GRIA4: variants seen among roughly 807,000 people sequenced by gnomAD.
GRIA4 encodes glutamate ionotropic receptor AMPA type subunit 4.
In GRIA4, 34 loss-of-function variants were observed where a neutral mutation model predicts 104.0. The ratio of observed to expected loss-of-function variants is 0.33; its 90% CI spans 0.25 to 0.44. GRIA4 has a LOEUF of 0.44. Among genes scored for constraint, GRIA4 ranks in the 20% least tolerant of loss-of-function variants. The pLI, the probability that GRIA4 is intolerant of heterozygous loss-of-function variation, is 1.00. For missense variants in GRIA4, 750 were observed against 1,096.5 expected (o/e 0.68, Z 4.46); for synonymous variants, 386 against 381.9 (o/e 1.01, Z -0.13).
rs1008416199 is a variant in GRIA4, at chr11:105,931,519, A to G, written c.2047-2203A>G. Among the ~76,000 whole-genome samples, 3 of 152,046 alleles carry G rather than the reference A, an allele frequency of 2.0e-5. No individual in the cohort carries two copies. In the South Asian group the frequency reaches 6.2e-4, roughly 32 times the overall value. On this transcript the variant is annotated intron_variant, in intron 13 of 16. Coordinates refer to ENST00000282499, the MANE Select transcript of GRIA4 (RefSeq NM_000829.4). ...GGAGTTCGAGACCAGCCTGGCCAAC[A>G]TGATGAAACCCCGTCTCTACTAAAA...
At chr11:105,643,301 G>C (rs757806908) in intron 3 of GRIA4, among the ~76,000 whole-genome samples, 3 of 152,026 alleles carry the variant, frequency 2.0e-5, no homozygotes, top group Admixed American at 2.0e-4. Context: ...AGAATATTAT[G>C]ATAACATTCA....
intron 3 of GRIA4, among the ~76,000 whole-genome samples, chr11:105,661,499 G>C (rs932790051): frequency 4.6e-5 from 7 of 151,614 alleles, no homozygotes; most frequent in African/African-American, 1.7e-4. Context: ...AGAAAAATGT[G>C]AAGATGGGCT....
chr11:105,861,670 T>C (rs189366299), intron 4 of GRIA4, among the ~76,000 whole-genome samples: 45 of 152,236 alleles, frequency 3.0e-4, no homozygotes, highest in African/African-American at 8.2e-4. Flanking sequence ...ATCTAGTGAG[T>C]AAAATAACAA....
intron 3 of GRIA4, among the ~76,000 whole-genome samples, chr11:105,657,608 A>G (rs1425907057): frequency 6.6e-6 from 1 of 151,902 alleles, no homozygotes; most frequent in Non-Finnish European, 1.5e-5. Context: ...TTATAATACT[A>G]TCAGTGAAAG....
intron 10 of GRIA4, among the ~76,000 whole-genome samples, chr11:105,918,456 T>C (rs2136183609): frequency 6.6e-6 from 1 of 152,256 alleles, no homozygotes; most frequent in Middle Eastern, 3.4e-3. Flanking sequence ...ACCACAGTCA[T>C]AGTGCTAGGT....
At chr11:105,824,398 T>A (rs1220675223) in intron 4 of GRIA4, among the ~76,000 whole-genome samples, 2 of 152,102 alleles carry the variant, frequency 1.3e-5, no homozygotes, top group African/African-American at 4.8e-5. Context: ...CTTCCTACTA[T>A]GGAAGATGAA....
chr11:105,672,692 G>A (rs1952412599), intron 3 of GRIA4, among the ~76,000 whole-genome samples: 1 of 152,042 alleles, frequency 6.6e-6, no homozygotes, highest in African/African-American at 2.4e-5. Flanking sequence ...TTATAATTGT[G>A]TCTTGCTGCA....
At chr11:105,716,430 A>C (rs1954091025) in intron 3 of GRIA4, among the ~76,000 whole-genome samples, 1 of 152,156 alleles carries the variant, frequency 6.6e-6, no homozygotes, top group African/African-American at 2.4e-5. Context: ...AACAATTTTA[A>C]ATGATAATAC....
intron 7 of GRIA4, among the ~76,000 whole-genome samples, chr11:105,902,058 T>G (rs1363531123): frequency 6.6e-6 from 1 of 152,230 alleles, no homozygotes; most frequent in East Asian, 1.9e-4. Context: ...AACACCTTAA[T>G]TTTTCTCAGC....
At chr11:105,811,275 G>C (rs1943161894) in intron 4 of GRIA4, among the ~76,000 whole-genome samples, 1 of 152,142 alleles carries the variant, frequency 6.6e-6, no homozygotes, top group Non-Finnish European at 1.5e-5. Context: ...TCCTTCACCA[G>C]TCTTAGACTA....
At chr11:105,760,709 T>A (rs888903376) in intron 4 of GRIA4, among the ~76,000 whole-genome samples, 3 of 152,146 alleles carry the variant, frequency 2.0e-5, no homozygotes, top group African/African-American at 7.2e-5. Context: ...CCTTTCATGA[T>A]TCTAAGGCCT....
At chr11:105,908,557 C>A (rs1947122476) in intron 9 of GRIA4, among the ~76,000 whole-genome samples, 2 of 145,436 alleles carry the variant, frequency 1.4e-5, no homozygotes, top group African/African-American at 2.6e-5. Flanking sequence ...TCCCATATCA[C>A]AAAATATGAC....
At chr11:105,858,264 T>C (rs1046865220) in intron 4 of GRIA4, among the ~76,000 whole-genome samples, 1 of 152,188 alleles carries the variant, frequency 6.6e-6, no homozygotes, top group Non-Finnish European at 1.5e-5. Flanking sequence ...TAATGGATAG[T>C]TTACCTATCG....
chr11:105,804,984 C>T (rs902885843), intron 4 of GRIA4, among the ~76,000 whole-genome samples: 2 of 151,872 alleles, frequency 1.3e-5, no homozygotes, highest in South Asian at 4.1e-4. Flanking sequence ...TTTGGAGAAT[C>T]TCTGTATCCT....
chr11:105,924,878 C>A, intron 12 of GRIA4, 109 bp downstream of exon 12: 1 of 853,022 alleles, frequency 1.2e-6, no homozygotes, highest in Non-Finnish European at 1.8e-6. Context: ...CTATTTGAAA[C>A]ACAGAAAAAG....
chr11:105,971,742 G>A (rs1237028398), intron 14 of GRIA4, among the ~76,000 whole-genome samples, 172 bp from the exon 15 acceptor site: 1 of 152,114 alleles, frequency 6.6e-6, no homozygotes, highest in African/African-American at 2.4e-5. Flanking sequence ...TACCTAAAGC[G>A]ATGGAGCAGG....
chr11:105,676,244 T>C lies in GRIA4; in HGVS notation c.247+63810T>C, dbSNP rs116361784. Among the ~76,000 whole-genome samples, 689 of 151,780 alleles carry C rather than the reference T, an allele frequency of 4.5e-3. 14 individuals carry two copies. Among genetic ancestry groups the C allele is most frequent in the African/African-American group, 0.015 (643 of 41,490 alleles). ...AGAGATTTGGTAACAAATATTGTAA[T>C]TGAATAGGTATGAATATTTTCCAGG... is the stretch of plus-strand genomic sequence containing the variant. On this transcript the variant is annotated intron_variant, in intron 3 of 16. Transcript: ENST00000282499.
intron 4 of GRIA4, among the ~76,000 whole-genome samples, chr11:105,765,325 A>G (rs1940881660): frequency 6.6e-6 from 1 of 152,240 alleles, no homozygotes; most frequent in Non-Finnish European, 1.5e-5. Flanking sequence ...TAGATTAAAA[A>G]GCCATAGAGC....
At chr11:105,612,702 T>G (rs2135242347) in intron 3 of GRIA4, 1 of 335,892 alleles carries the variant, frequency 3.0e-6, no homozygotes, top group Admixed American at 4.5e-5. Context: ...ATTATCTGTC[T>G]AGATCATTCA....
Sources: gnomAD v4.1 joint callset for allele counts (sites outside exome capture counted in the v4.1 genomes callset) on GRCh38, gnomAD v4.1.1 for gene constraint, MANE v1.5 for transcripts, NCBI Gene and HGNC (gene_info 2026-07-23, HGNC 2026-07-21) for gene names.